Variants in CACNA2D3 observed in about 807,000 individuals in gnomAD.
CACNA2D3 encodes the protein calcium voltage-gated channel auxiliary subunit alpha2delta 3.
Under a neutral mutation model 160.6 loss-of-function variants are expected in CACNA2D3, and 60 were observed. The observed-to-expected ratio is 0.37, with a 90% CI of 0.30 to 0.46. The LOEUF (loss-of-function observed/expected upper bound fraction) is 0.46. CACNA2D3 is among the 20% of genes least tolerant of loss of function. CACNA2D3 has a pLI of 1.00. For synonymous variants in CACNA2D3, 558 were observed against 492.9 expected (o/e 1.13, Z -1.75); for missense variants, 1,205 against 1,365.0 (o/e 0.88, Z 1.85).
chr3:54,195,293 T>C (rs1170557174), intron 2 of CACNA2D3, among the ~76,000 whole-genome samples: 1 of 152,182 alleles, frequency 6.6e-6, no homozygotes, highest in African/African-American at 2.4e-5. Context: ...CTCCCCACCC[T>C]GGCTTATTTC....
intron 34 of CACNA2D3, among the ~76,000 whole-genome samples, chr3:55,012,721 C>A (rs1243891435): frequency 6.6e-6 from 1 of 152,054 alleles, no homozygotes; most frequent in Non-Finnish European, 1.5e-5. Context: ...AGCTAAATAT[C>A]CTGCAAAACA....
chr3:54,387,726 T>C (rs1699213284), intron 4 of CACNA2D3, among the ~76,000 whole-genome samples: 1 of 152,186 alleles, frequency 6.6e-6, no homozygotes, highest in Non-Finnish European at 1.5e-5. Context: ...AGAACTTTTA[T>C]CTAAATTGGC....
chr3:54,234,540 C>A lies in CACNA2D3; in HGVS notation c.205-85902C>A, dbSNP rs1701838409. Reference sequence around the variant, plus strand: ...TCCAGAGGAATATAAATTATTCTACCATAAAGGCACATGCATGCAAATGTT... The same window carrying A: ...TCCAGAGGAATATAAATTATTCTACAATAAAGGCACATGCATGCAAATGTT... On this transcript the variant is annotated intron_variant, in intron 2 of 37. Transcript: ENST00000474759. Among the ~76,000 whole-genome samples, 3 of 152,236 alleles carry A rather than the reference C, an allele frequency of 2.0e-5. No individual in the cohort carries two copies. The South Asian group carries it at 6.2e-4, about 32-fold the overall frequency.
intron 27 of CACNA2D3, among the ~76,000 whole-genome samples, chr3:54,909,579 G>A (rs1700514667): frequency 6.6e-6 from 1 of 151,492 alleles, no homozygotes. Context: ...GGGCTGTGCA[G>A]CTTCAAATGC....
chr3:54,849,463 A>G (rs1699009046), intron 17 of CACNA2D3, among the ~76,000 whole-genome samples: 2 of 152,172 alleles, frequency 1.3e-5, no homozygotes, highest in Admixed American at 1.3e-4. Context: ...CTCTAAAACC[A>G]GTTTCATTTT....
chr3:54,861,613 T>A (rs1462733015), intron 17 of CACNA2D3, among the ~76,000 whole-genome samples: 1 of 152,142 alleles, frequency 6.6e-6, no homozygotes, highest in Non-Finnish European at 1.5e-5. Flanking sequence ...AGGGTTAGAG[T>A]ACAGGCAGGG....
rs116706315 is a variant in CACNA2D3, at chr3:54,647,305, G to A, written c.1167+5064G>A. On this transcript the variant is annotated intron_variant, in intron 11 of 37. Coordinates refer to ENST00000474759, the MANE Select transcript of CACNA2D3 (RefSeq NM_018398.3). ...AGTAGAAAACTAACACAAGAAGCAA[G>A]GAGAAGGGAGAAAGGGAAGGAAATT... Among the ~76,000 whole-genome samples, 1,263 of 152,296 alleles carry A rather than the reference G, an allele frequency of 8.3e-3. 3 individuals carry two copies. The highest frequency in any genetic ancestry group is 0.014 in the Non-Finnish European group (933 of 68,024).
At chr3:54,818,180 C>T (rs1034675384) in intron 14 of CACNA2D3, among the ~76,000 whole-genome samples, 2 of 152,168 alleles carry the variant, frequency 1.3e-5, no homozygotes, top group South Asian at 2.1e-4. Flanking sequence ...TGCCATCAGC[C>T]GTAGAAATTT....
intron 2 of CACNA2D3, among the ~76,000 whole-genome samples, chr3:54,286,450 T>G (rs1209040319): frequency 1.3e-5 from 2 of 152,226 alleles, no homozygotes; most frequent in African/African-American, 4.8e-5. Flanking sequence ...AATCTACGTC[T>G]GAATGGTGTA....
At position 54,684,176 on chromosome 3, in the gene CACNA2D3, G is replaced by T. The variant is rs183276351; in HGVS notation, c.1167+41935G>T. Reference sequence around the variant, plus strand: ...TGGTTTCACCATGTTGGCCAGGCGGGTCTTGAACTCCTGACCCATGTAATC... The same window carrying T: ...TGGTTTCACCATGTTGGCCAGGCGGTTCTTGAACTCCTGACCCATGTAATC... On this transcript the variant is annotated intron_variant, in intron 11 of 37. Coordinates refer to ENST00000474759, the MANE Select transcript of CACNA2D3 (RefSeq NM_018398.3). Among the ~76,000 whole-genome samples the T allele has an allele frequency of 1.9e-3, 284 of 152,064 alleles. 2 individuals are homozygous for T. The highest frequency in any genetic ancestry group is 6.8e-3 in the Middle Eastern group (2 of 294).
intron 13 of CACNA2D3, among the ~76,000 whole-genome samples, chr3:54,813,796 A>C (rs1703388486): frequency 6.6e-6 from 1 of 152,194 alleles, no homozygotes; most frequent in Non-Finnish European, 1.5e-5. Flanking sequence ...AACTATAGAA[A>C]AAAAGCGCAG....
At chr3:54,154,485 T>A (rs983399946) in intron 2 of CACNA2D3, among the ~76,000 whole-genome samples, 2 of 152,182 alleles carry the variant, frequency 1.3e-5, no homozygotes, top group African/African-American at 4.8e-5. Context: ...CTAGCACATA[T>A]GTTAAAACAG....
At chr3:54,226,312 C>T (rs1437436265) in intron 2 of CACNA2D3, among the ~76,000 whole-genome samples, 4 of 106,912 alleles carry the variant, frequency 3.7e-5, no homozygotes, top group African/African-American at 7.6e-5. Context: ...GCCCCTGATG[C>T]TTTTTTTTTT....
At chr3:54,730,769 C>G (rs1446376910) in intron 11 of CACNA2D3, among the ~76,000 whole-genome samples, 5 of 152,196 alleles carry the variant, frequency 3.3e-5, no homozygotes, top group African/African-American at 7.2e-5. Flanking sequence ...TCCCCAAGTG[C>G]TGGGATTACA....
chr3:54,637,873 A>T (rs1311928849), intron 10 of CACNA2D3: 1 of 152,024 alleles, frequency 6.6e-6, no homozygotes, highest in East Asian at 1.9e-4. Flanking sequence ...CACAGATGGG[A>T]CGCGGCTTAG....
intron 4 of CACNA2D3, among the ~76,000 whole-genome samples, chr3:54,420,010 C>T (rs779456603): frequency 2.6e-5 from 4 of 152,194 alleles, no homozygotes; most frequent in African/African-American, 4.8e-5. Flanking sequence ...AGGTGATCCA[C>T]CCGCCAAGGC....
At chr3:54,126,931 A>T (rs1699605455) in intron 2 of CACNA2D3, among the ~76,000 whole-genome samples, 1 of 152,092 alleles carries the variant, frequency 6.6e-6, no homozygotes, top group Non-Finnish European at 1.5e-5. Flanking sequence ...TCTTTTGGGG[A>T]GGCATAGTTT....
chr3:54,325,755 A>T (rs918064591), intron 3 of CACNA2D3, among the ~76,000 whole-genome samples: 1 of 152,230 alleles, frequency 6.6e-6, no homozygotes, highest in African/African-American at 2.4e-5. Context: ...ATAAAACACA[A>T]GTTGTAGCTA....
intron 4 of CACNA2D3, among the ~76,000 whole-genome samples, chr3:54,389,468 A>G (rs1156247766): frequency 6.6e-6 from 1 of 152,202 alleles, no homozygotes; most frequent in African/African-American, 2.4e-5. Context: ...GTCTCAAACT[A>G]TTTGCCCACA....
Sources: allele counts gnomAD v4.1 joint callset (sites outside exome capture counted in the v4.1 genomes callset), GRCh38; gene constraint gnomAD v4.1.1; transcripts MANE v1.5; gene names NCBI Gene and HGNC (gene_info 2026-07-23, HGNC 2026-07-21).